The following ULK4 variants were observed in gnomAD, a reference collection of about 807,000 sequenced individuals.
ULK4 encodes the protein inactive serine/threonine-protein kinase ULK4.
ULK4 carries 133 observed loss-of-function variants against 160.6 expected under a neutral mutation model. That is an observed-to-expected ratio of 0.83 (90% CI 0.72 to 0.96). The LOEUF is 0.96. Among genes scored for constraint, ULK4 ranks in the 40% least tolerant of loss-of-function variants. ULK4 has a pLI of 0.00. For missense variants in ULK4, 1,580 were observed against 1,499.5 expected (o/e 1.05, Z -0.89); for synonymous variants, 534 against 539.8 (o/e 0.99, Z 0.15).
At chr3:41,569,611 C>A (rs2087900927) in intron 31 of ULK4, among the ~76,000 whole-genome samples, 1 of 152,172 alleles carries the variant, frequency 6.6e-6, no homozygotes, top group Non-Finnish European at 1.5e-5. Context: ...AATTTTCACA[C>A]ATATTGTAAT....
intron 32 of ULK4, among the ~76,000 whole-genome samples, chr3:41,510,226 A>G: frequency 6.6e-6 from 1 of 152,336 alleles, no homozygotes; most frequent in South Asian, 2.1e-4. Context: ...GAAGTTTAAA[A>G]AGACAAAGAA....
chr3:41,797,109 G>C (rs1008755739), intron 20 of ULK4, among the ~76,000 whole-genome samples: 1 of 151,876 alleles, frequency 6.6e-6, no homozygotes, highest in Admixed American at 6.6e-5. Flanking sequence ...GCTGAAGAAA[G>C]GAAAGTGCTT....
At chr3:41,361,576 G>A (rs1378873636) in intron 35 of ULK4, among the ~76,000 whole-genome samples, 1 of 152,114 alleles carries the variant, frequency 6.6e-6, no homozygotes, top group Admixed American at 6.5e-5. Flanking sequence ...ACATCATTTG[G>A]AGATTATTTT....
chr3:41,637,572 G>A (rs1394809336), intron 30 of ULK4, among the ~76,000 whole-genome samples: 1 of 152,156 alleles, frequency 6.6e-6, no homozygotes, highest in Non-Finnish European at 1.5e-5. Context: ...TGGCATTGCT[G>A]GAACACATGG....
chr3:41,921,217 C>G (rs1699169318), intron 5 of ULK4, among the ~76,000 whole-genome samples: 1 of 152,144 alleles, frequency 6.6e-6, no homozygotes, highest in Non-Finnish European at 1.5e-5. Context: ...GAGGCTGAGG[C>G]ATGAGAATCA....
chr3:41,315,384 T>G lies in ULK4; in HGVS notation c.3679-65810A>C, dbSNP rs116648854. On this transcript the variant is annotated intron_variant, in intron 35 of 36. Transcript: ENST00000301831. ...TCATGGTTTGCCTGTCAGTAGTTACTCTTTTGAGTAAAAATGGTGTTCCAG... is the reference window on the plus strand; with the variant it reads ...TCATGGTTTGCCTGTCAGTAGTTACGCTTTTGAGTAAAAATGGTGTTCCAG... Among the ~76,000 whole-genome samples the G allele has an allele frequency of 7.9e-3, 1,209 of 152,284 alleles. 14 individuals are homozygous for G. Among genetic ancestry groups the G allele is most frequent in the African/African-American group, 0.028 (1,152 of 41,554 alleles).
chr3:41,472,518 G>C (rs1465947428), intron 32 of ULK4, among the ~76,000 whole-genome samples: 5 of 150,642 alleles, frequency 3.3e-5, no homozygotes, highest in Non-Finnish European at 4.4e-5. Flanking sequence ...GCGGTGAGCA[G>C]AGATCACACC....
At chr3:41,328,639 T>C (rs1187446331) in intron 35 of ULK4, among the ~76,000 whole-genome samples, 1 of 152,098 alleles carries the variant, frequency 6.6e-6, no homozygotes, top group African/African-American at 2.4e-5. Flanking sequence ...TATATGTAAA[T>C]CCAATATAAA....
At chr3:41,666,812 CT>C (rs1224872240) in intron 29 of ULK4, among the ~76,000 whole-genome samples, 1 of 152,010 alleles carries the variant, frequency 6.6e-6, no homozygotes, top group Non-Finnish European at 1.5e-5. Context: ...GAAAATATAT[CT>C]TAAAATAGAC....
intron 21 of ULK4, among the ~76,000 whole-genome samples, chr3:41,768,303 T>C (rs895695372): frequency 2.6e-5 from 4 of 152,204 alleles, no homozygotes; most frequent in Admixed American, 2.6e-4. Context: ...AGAGATTTGT[T>C]AAGTAAATCA....
intron 30 of ULK4, among the ~76,000 whole-genome samples, chr3:41,649,818 C>CAA (rs1480330923): frequency 2.0e-5 from 3 of 152,232 alleles, no homozygotes; most frequent in Non-Finnish European, 2.9e-5. Context: ...ACTCCACCTT[C>CAA]AAGCCAGGGA....
intron 32 of ULK4, among the ~76,000 whole-genome samples, chr3:41,554,561 T>C (rs192451077): frequency 1.3e-5 from 2 of 152,242 alleles, no homozygotes; most frequent in African/African-American, 2.4e-5. Context: ...AGGGTAAGTG[T>C]TGGTAGGCGG....
chr3:41,365,419 T>A (rs1042478943), intron 35 of ULK4, among the ~76,000 whole-genome samples: 1 of 152,210 alleles, frequency 6.6e-6, no homozygotes, highest in African/African-American at 2.4e-5. Flanking sequence ...AAAAGTATTA[T>A]GTATCTGGAA....
intron 32 of ULK4, among the ~76,000 whole-genome samples, chr3:41,508,521 C>A (rs1453108134): frequency 6.6e-6 from 1 of 152,054 alleles, no homozygotes; most frequent in Non-Finnish European, 1.5e-5. Context: ...TGGAGGTCAA[C>A]CAACACAAAA....
chr3:41,818,134 A>G (rs997625328), intron 19 of ULK4, among the ~76,000 whole-genome samples: 8 of 151,004 alleles, frequency 5.3e-5, no homozygotes, highest in Non-Finnish European at 1.0e-4. Context: ...AAAAAAAACT[A>G]ACTAAAAATA....
intron 6 of ULK4, 59 bp downstream of exon 6, chr3:41,919,653 AAGTAC>A: frequency 7.4e-7 from 1 of 1,345,870 alleles, no homozygotes; most frequent in East Asian, 2.3e-5. Context: ...AACATCTGCA[AAGTAC>A]AGACTTAACC....
chr3:41,682,531 C>T (rs1391980441), intron 27 of ULK4, among the ~76,000 whole-genome samples: 1 of 152,220 alleles, frequency 6.6e-6, no homozygotes, highest in Admixed American at 6.5e-5. Flanking sequence ...AATCTGTGCA[C>T]AGCCAAACGA....
chr3:41,587,932 A>C (rs2030955880), intron 31 of ULK4, among the ~76,000 whole-genome samples: 1 of 152,194 alleles, frequency 6.6e-6, no homozygotes, highest in Non-Finnish European at 1.5e-5. Flanking sequence ...TTTCTTTATA[A>C]CAGATGACAA....
intron 25 of ULK4, among the ~76,000 whole-genome samples, chr3:41,707,298 T>C (rs189111680): frequency 2.3e-3 from 347 of 152,214 alleles, no homozygotes; most frequent in African/African-American, 6.4e-3. Context: ...CTCCATGACA[T>C]TGGTCTGGGC....
Sources: gnomAD v4.1 joint callset for allele counts (sites outside exome capture counted in the v4.1 genomes callset) on GRCh38, gnomAD v4.1.1 for gene constraint, MANE v1.5 for transcripts, NCBI Gene and HGNC (gene_info 2026-07-23, HGNC 2026-07-21) for gene names.